PEBP4: variants seen among roughly 807,000 people sequenced by gnomAD.
PEBP4 encodes the protein phosphatidylethanolamine-binding protein 4.
A neutral mutation model predicts 23.9 loss-of-function variants in PEBP4; 22 were observed. The observed-to-expected ratio is 0.92, with a 90% CI of 0.66 to 1.31. The LOEUF is 1.31. PEBP4 is among the 40% of genes most tolerant of loss of function. PEBP4 has a pLI of 0.00. For synonymous variants in PEBP4, 112 were observed against 99.3 expected, an observed-to-expected ratio of 1.13 and a Z score of -0.76; for missense variants, 324 against 281.7, an observed-to-expected ratio of 1.15 and a Z score of -1.07.
At chr8:22,851,288 G>T (rs1455677736) in intron 3 of PEBP4, among the ~76,000 whole-genome samples, 1 of 152,174 alleles carries the variant, frequency 6.6e-6, no homozygotes, top group Non-Finnish European at 1.5e-5. Context: ...TCTGGCTTGA[G>T]TTCCAGGCGC....
intron 4 of PEBP4, among the ~76,000 whole-genome samples, chr8:22,784,242 G>C (rs142107547): frequency 6.4e-4 from 97 of 152,316 alleles, no homozygotes; most frequent in African/African-American, 2.3e-3. Context: ...TGTAAGTGGA[G>C]AGGGTGTCAG....
At chr8:22,747,984 G>A (rs1402500563) in intron 4 of PEBP4, among the ~76,000 whole-genome samples, 1 of 152,234 alleles carries the variant, frequency 6.6e-6, no homozygotes, top group Non-Finnish European at 1.5e-5. Context: ...TGGGTGGAGA[G>A]CGGAGGAAAG....
At chr8:22,866,423 G>A (rs931704369) in intron 3 of PEBP4, among the ~76,000 whole-genome samples, 3 of 152,144 alleles carry the variant, frequency 2.0e-5, no homozygotes, top group Admixed American at 6.5e-5. Flanking sequence ...CTCACAGTCC[G>A]GTGAGAAAGA....
At chr8:22,720,631 T>C (rs968491527) in intron 6 of PEBP4, among the ~76,000 whole-genome samples, 5 of 152,200 alleles carry the variant, frequency 3.3e-5, no homozygotes, top group African/African-American at 1.2e-4. Context: ...AAAGGCAAAG[T>C]GTGGCCTTTG....
chr8:22,876,071 T>A lies in PEBP4; in HGVS notation c.258+44113A>T, dbSNP rs563221857. On this transcript the variant is annotated intron_variant, in intron 3 of 6. Transcript: ENST00000256404. ...GATTACAGGTATGCACCACCACACATGACTTATTTTGGTACTTTTAGTAGA... is the reference window on the plus strand; with the variant it reads ...GATTACAGGTATGCACCACCACACAAGACTTATTTTGGTACTTTTAGTAGA... Among the ~76,000 whole-genome samples, 21 of 152,024 alleles carry A rather than the reference T, an allele frequency of 1.4e-4. No individual in the cohort carries two copies. In the South Asian group the frequency reaches 4.0e-3, roughly 29 times the overall value.
intron 4 of PEBP4, among the ~76,000 whole-genome samples, chr8:22,803,760 C>T (rs1226591046): frequency 2.6e-5 from 4 of 152,176 alleles, no homozygotes; most frequent in African/African-American, 9.7e-5. Context: ...CCTCACCTGC[C>T]AGGCCTCCAG....
chr8:22,920,854 T>C lies in PEBP4; in HGVS notation c.132-544A>G, dbSNP rs896863689. Among the ~76,000 whole-genome samples the C allele has an allele frequency of 3.9e-5, 6 of 152,216 alleles. 1 individual carries two copies. Among genetic ancestry groups the C allele is most frequent in the African/African-American group, 7.2e-5 (3 of 41,462 alleles). ...CCATTAGGTGAAGAATTGGCTTCTT[T>C]GGGTTAAGCATTGACTGTAGCCTAG... is the stretch of plus-strand genomic sequence containing the variant. On this transcript the variant is annotated intron_variant, in intron 2 of 6. Transcript: ENST00000256404.
intron 4 of PEBP4, among the ~76,000 whole-genome samples, chr8:22,749,248 C>A (rs1235763755): frequency 6.6e-6 from 1 of 152,164 alleles, no homozygotes; most frequent in Non-Finnish European, 1.5e-5. Context: ...AGCTGGCAGC[C>A]CTGACTTCCC....
rs150837000 is a variant in PEBP4, at chr8:22,811,036, C to T, written c.357+6601G>A. Among the ~76,000 whole-genome samples, 968 of 152,184 alleles carry T rather than the reference C, an allele frequency of 6.4e-3. 10 individuals are homozygous for T. The highest frequency in any genetic ancestry group is 0.022 in the African/African-American group (893 of 41,530). ...ACAATATTCCTGTATATACTGGCTC[C>T]CTTCCTGCATGTATACCTTATTCAT... On this transcript the variant is annotated intron_variant, in intron 4 of 6. Transcript: ENST00000256404.
chr8:22,866,643 G>A (rs1807908502), intron 3 of PEBP4, among the ~76,000 whole-genome samples: 1 of 151,732 alleles, frequency 6.6e-6, no homozygotes, highest in African/African-American at 2.4e-5. Context: ...GGGGTGGGGT[G>A]GGGGGAAGCA....
intron 4 of PEBP4, among the ~76,000 whole-genome samples, chr8:22,802,138 G>C (rs140456012): frequency 4.6e-5 from 7 of 152,022 alleles, no homozygotes; most frequent in South Asian, 2.1e-4. Flanking sequence ...CCTCCTCCTC[G>C]TCTCTCTGCG....
chr8:22,765,684 G>A (rs1333733318), intron 4 of PEBP4, among the ~76,000 whole-genome samples: 3 of 152,248 alleles, frequency 2.0e-5, no homozygotes, highest in Non-Finnish European at 4.4e-5. Context: ...GTGTATGTCC[G>A]TGCATGTGAG....
chr8:22,837,551 C>T (rs1807229008), intron 3 of PEBP4, among the ~76,000 whole-genome samples: 1 of 152,326 alleles, frequency 6.6e-6, no homozygotes, highest in South Asian at 2.1e-4. Context: ...GGCCCTGCAC[C>T]TCTAGCTGTC....
At chr8:22,923,438 C>T (rs966615737) in intron 2 of PEBP4, among the ~76,000 whole-genome samples, 3 of 151,934 alleles carry the variant, frequency 2.0e-5, no homozygotes, top group African/African-American at 4.8e-5. Flanking sequence ...TGTGGTGGTA[C>T]GCATCTGTAG....
intron 4 of PEBP4, among the ~76,000 whole-genome samples, chr8:22,746,182 G>T (rs1050134913): frequency 2.0e-5 from 3 of 152,108 alleles, no homozygotes; most frequent in African/African-American, 4.8e-5. Context: ...AAGGACCACA[G>T]GGTCCTCCCT....
chr8:22,810,077 C>A (rs770033550), intron 4 of PEBP4, among the ~76,000 whole-genome samples: 1 of 152,246 alleles, frequency 6.6e-6, no homozygotes, highest in Admixed American at 6.5e-5. Flanking sequence ...GAAAACTTCC[C>A]CCACTGGTCC....
At chr8:22,903,447 C>T (rs1003530432) in intron 3 of PEBP4, among the ~76,000 whole-genome samples, 3 of 152,162 alleles carry the variant, frequency 2.0e-5, no homozygotes, top group East Asian at 1.9e-4. Flanking sequence ...GATTGAAAGA[C>T]GAGGCATTTC....
intron 3 of PEBP4, among the ~76,000 whole-genome samples, chr8:22,863,762 G>T (rs1807827947): frequency 6.6e-6 from 1 of 152,140 alleles, no homozygotes; most frequent in African/African-American, 2.4e-5. Context: ...TAAGAAAAAA[G>T]AGTTCCATCT....
chr8:22,865,325 C>G lies in PEBP4; in HGVS notation c.259-47590G>C, dbSNP rs1350297549. Among the ~76,000 whole-genome samples the G allele has an allele frequency of 6.6e-6, 1 of 151,434 alleles. No homozygotes were observed. Among genetic ancestry groups the G allele is most frequent in the Non-Finnish European group, 1.5e-5 (1 of 67,748 alleles). ...CGGGCGGATGGGAATTACCCCGGGT[C>G]CCCCTGCGGCGTCTCCCGCTGCCCA... On this transcript the variant is annotated intron_variant, in intron 3 of 6. Coordinates refer to ENST00000256404, the MANE Select transcript of PEBP4 (RefSeq NM_144962.3). The surrounding 1 kb of genome is among the most constrained non-coding windows in gnomAD (Gnocchi z 6.9).
Sources: gnomAD v4.1 joint callset for allele counts (sites outside exome capture counted in the v4.1 genomes callset) on GRCh38, gnomAD v4.1.1 for gene constraint, Gnocchi (gnomAD v3.1) non-coding constraint, MANE v1.5 for transcripts, NCBI Gene and HGNC (gene_info 2026-07-23, HGNC 2026-07-21) for gene names.